The following LIN54 variants were observed in gnomAD, a reference collection of about 807,000 sequenced individuals.
The protein encoded by LIN54 is lin-54 DREAM MuvB core complex component, also known as protein lin-54 homolog.
In LIN54, 9 loss-of-function variants were observed where a neutral mutation model predicts 78.7. The ratio of observed to expected loss-of-function variants is 0.11; its 90% CI spans 0.07 to 0.20. LIN54 has a LOEUF of 0.20. LIN54 is among the 10% of genes least tolerant of loss of function. LIN54 has a pLI of 1.00. For missense variants in LIN54, 573 were observed against 889.9 expected, an observed-to-expected ratio of 0.64 and a Z score of 4.53; for synonymous variants, 269 against 318.4, an observed-to-expected ratio of 0.84 and a Z score of 1.65.
upstream of LIN54, among the ~76,000 whole-genome samples, chr4:83,011,832 C>CTGGCT (rs1442453055): frequency 1.5e-5 from 2 of 137,446 alleles, no homozygotes; most frequent in Non-Finnish European, 3.2e-5. Flanking sequence ...AAAAAGGAAA[C>CTGGCT]TGGCTGCCTT....
At chr4:82,942,191 A>G (rs1440832249) in intron 5 of LIN54, among the ~76,000 whole-genome samples, 3 of 152,176 alleles carry the variant, frequency 2.0e-5, no homozygotes, top group African/African-American at 4.8e-5. Flanking sequence ...AAGACAAAAA[A>G]GCTGAGAGTC....
At chr4:82,941,336 G>C (rs537017559) in intron 5 of LIN54, among the ~76,000 whole-genome samples, 1 of 152,072 alleles carries the variant, frequency 6.6e-6, no homozygotes, top group East Asian at 1.9e-4. Flanking sequence ...TTGGGAAGCT[G>C]CAAAGCATAT....
intron 1 of LIN54, among the ~76,000 whole-genome samples, chr4:82,994,471 C>T (rs1386611528): frequency 6.6e-6 from 1 of 151,744 alleles, no homozygotes; most frequent in Non-Finnish European, 1.5e-5. Flanking sequence ...AATCTGGGCT[C>T]ACTGCAACCT....
chr4:82,966,414 G>C (rs1291275990), intron 4 of LIN54, among the ~76,000 whole-genome samples: 1 of 148,964 alleles, frequency 6.7e-6, no homozygotes, highest in African/African-American at 2.5e-5. Flanking sequence ...ATCCATGCCA[G>C]ACTTACTAAA....
chr4:82,941,992 A>C (rs911362647), intron 5 of LIN54, among the ~76,000 whole-genome samples: 1 of 152,226 alleles, frequency 6.6e-6, no homozygotes, highest in Admixed American at 6.5e-5. Flanking sequence ...AGATTTAAGA[A>C]GATAGAAATG....
intron 11 of LIN54, among the ~76,000 whole-genome samples, chr4:82,932,289 G>A (rs1261714521): frequency 2.0e-5 from 3 of 150,142 alleles, no homozygotes; most frequent in Non-Finnish European, 4.4e-5. Context: ...GTAGAGACGG[G>A]GTTTCACCGT....
intron 3 of LIN54, among the ~76,000 whole-genome samples, chr4:82,972,635 A>G (rs371689686): frequency 1.3e-4 from 20 of 152,346 alleles, no homozygotes; most frequent in African/African-American, 4.8e-4. Context: ...AATGTTCATT[A>G]TTTATAGCCA....
At chr4:82,948,490 T>C (rs1723588240) in intron 4 of LIN54, among the ~76,000 whole-genome samples, 1 of 152,200 alleles carries the variant, frequency 6.6e-6, no homozygotes, top group South Asian at 2.1e-4. Flanking sequence ...ACATAAATGT[T>C]AGTATAATGA....
Position 82,981,304 on chromosome 4 carries a change from G to A in LIN54, c.685-2298C>T, listed in dbSNP as rs1021817410. On this transcript the variant is annotated intron_variant, in intron 2 of 12. Transcript: ENST00000340417. Reference sequence around the variant, plus strand: ...TATATACTATGCACAGGAAACATGGGAAAGTGTTTATATATCTGTTATTAC... The same window carrying A: ...TATATACTATGCACAGGAAACATGGAAAAGTGTTTATATATCTGTTATTAC... 3.9e-5 allele frequency among the ~76,000 whole-genome samples: 6 copies of A among 152,248 alleles called. No homozygotes were observed. The East Asian group carries it at 1.2e-3, about 29-fold the overall frequency.
In LIN54 at chr4:82,974,238, G is replaced by A. The variant is rs146138644; in HGVS notation, c.809-3769C>T. On this transcript the variant is annotated intron_variant, in intron 3 of 12. Coordinates refer to ENST00000340417, the MANE Select transcript of LIN54 (RefSeq NM_194282.4). Reference sequence around the variant, plus strand: ...AAAACAAACAAACCAAAAAAAAAAGGTGCCAAAAATTGTGCTAGGTTCTGG... The same window carrying A: ...AAAACAAACAAACCAAAAAAAAAAGATGCCAAAAATTGTGCTAGGTTCTGG... Among the ~76,000 whole-genome samples, 12 of 151,826 alleles carry A rather than the reference G, an allele frequency of 7.9e-5. No homozygotes were observed. In the East Asian group the frequency reaches 1.2e-3, roughly 15 times the overall value.
intron 5 of LIN54, among the ~76,000 whole-genome samples, chr4:82,945,185 A>G (rs974878006): frequency 2.0e-5 from 3 of 152,220 alleles, no homozygotes; most frequent in Admixed American, 1.3e-4. Flanking sequence ...AAAATCAAAG[A>G]GTAACCAACT....
chr4:82,971,425 G>A (rs902260089), intron 3 of LIN54, among the ~76,000 whole-genome samples: 4 of 152,112 alleles, frequency 2.6e-5, no homozygotes, highest in Non-Finnish European at 5.9e-5. Flanking sequence ...CATCTGAGAT[G>A]GCGGCTCCTT....
At position 82,946,396 on chromosome 4, in the gene LIN54, T is replaced by C. The variant is rs759113603; in HGVS notation, c.1030A>G (p.Thr344Ala). ...SQFKTIIPLATAPNVQQIQVP... is the reference protein window; with the variant it reads ...SQFKTIIPLAAAPNVQQIQVP... ...TGAATCTGCTGGACATTGGGAGCAG[T>C]TGCCAGAGGAATAATTGTCTTAAAC... The change falls in exon 5 of 13, where the codon ACT becomes GCT. Residue 344 changes from threonine (T) to alanine (A), a missense_variant. Around this residue, in one of 6 missense-constraint regions of LIN54, gnomAD observed 199 missense variants for 260.9 expected, o/e 0.76. Coordinates refer to ENST00000340417, the MANE Select transcript of LIN54 (RefSeq NM_194282.4). The C allele has an allele frequency of 8.7e-6, 14 of 1,613,952 alleles. No homozygotes were observed. The highest frequency in any genetic ancestry group is 1.6e-4 in the Middle Eastern group (1 of 6,082).
chr4:82,981,014 T>A (rs796650272), intron 2 of LIN54, among the ~76,000 whole-genome samples: 6 of 152,098 alleles, frequency 3.9e-5, no homozygotes, highest in African/African-American at 1.4e-4. Context: ...TAACTTTTGG[T>A]TCCATTAAGG....
At chr4:83,003,282 T>A (rs965161244) in intron 1 of LIN54, 16 of 152,202 alleles carry the variant, frequency 1.1e-4, no homozygotes, top group African/African-American at 3.4e-4. Context: ...CCCAAAGTGC[T>A]GGGATTACAG....
intron 4 of LIN54, among the ~76,000 whole-genome samples, chr4:82,969,284 C>G (rs1725459348): frequency 6.6e-6 from 1 of 152,214 alleles, no homozygotes; most frequent in Admixed American, 6.5e-5. Flanking sequence ...GCCAAACACA[C>G]AGCAGTCATT....
In LIN54 at chr4:82,970,146, T is replaced by A. The variant is rs112140435; in HGVS notation, c.951+181A>T. Reference sequence around the variant, plus strand: ...ATGCAAAATGATTACTATGTTACTATGTGTTTAAAGTAAGCTTTTTAATCT... The same window carrying A: ...ATGCAAAATGATTACTATGTTACTAAGTGTTTAAAGTAAGCTTTTTAATCT... On this transcript the variant is annotated intron_variant, in intron 4 of 12. Coordinates refer to ENST00000340417, the MANE Select transcript of LIN54 (RefSeq NM_194282.4). Among the ~76,000 whole-genome samples, 593 of 152,322 alleles carry A rather than the reference T, an allele frequency of 3.9e-3. 3 individuals are homozygous for A. Among genetic ancestry groups the A allele is most frequent in the African/African-American group, 0.013 (548 of 41,582 alleles).
At position 82,928,201 on chromosome 4, in the gene LIN54, T is replaced by G. The variant is rs1178738586; in HGVS notation, c.2151A>C (p.Ala717=). 1.9e-5 allele frequency: 31 copies of G among 1,614,150 alleles called. No individual in the cohort carries two copies. The highest frequency in any genetic ancestry group is 2.6e-5 in the Non-Finnish European group (31 of 1,180,046). Residue 717 remains alanine, a synonymous_variant, in exon 13 of 13, where the codon GCA becomes GCC. Coordinates refer to ENST00000340417, the MANE Select transcript of LIN54 (RefSeq NM_194282.4). ...ATTCCTCAAGTATCATCCGTTCCGC[T>G]GCTGCCTTTGATTTTCCCTTCTTGT... The part of the protein sequence containing the change: ...QADKKGKSKA[A]AERMILEEFG...
At chr4:82,956,586 G>C (rs1329386433) in intron 4 of LIN54, among the ~76,000 whole-genome samples, 1 of 152,116 alleles carries the variant, frequency 6.6e-6, no homozygotes, top group Non-Finnish European at 1.5e-5. Context: ...CTGCACTCCT[G>C]CCTGGGTGAC....
Sources: allele counts gnomAD v4.1 joint callset (sites outside exome capture counted in the v4.1 genomes callset), GRCh38; gene constraint gnomAD v4.1.1; regional missense constraint gnomAD v4.1.1; transcripts MANE v1.5; gene names NCBI Gene and HGNC (gene_info 2026-07-23, HGNC 2026-07-21).